DNAH2: variants seen among roughly 807,000 people sequenced by gnomAD.
DNAH2 encodes axonemal beta dynein heavy chain 2.
A neutral mutation model predicts 523.5 loss-of-function variants in DNAH2; 323 were observed. The observed-to-expected ratio is 0.62, with a 90% CI of 0.56 to 0.68. The LOEUF (loss-of-function observed/expected upper bound fraction) is 0.68, where lower values mean the gene tolerates loss of function less well. DNAH2 is among the 30% of genes least tolerant of loss of function. The pLI, the probability that DNAH2 is intolerant of heterozygous loss-of-function variation, is 0.00. For missense variants in DNAH2, 4,907 were observed against 5,701.5 expected, an observed-to-expected ratio of 0.86 and a Z score of 4.49; for synonymous variants, 2,093 against 2,177.4, an observed-to-expected ratio of 0.96 and a Z score of 1.08.
At position 7,798,196 on chromosome 17, in the gene DNAH2, A is replaced by G; in HGVS notation, c.8270A>G (p.Asn2757Ser). ...IVRVIGQPRGNMLLVGIGGSG... is the reference protein window; with the variant it reads ...IVRVIGQPRGSMLLVGIGGSG... The stretch of plus-strand genomic sequence containing the variant: ...CGGGTCATTGGACAGCCTCGGGGCA[A>G]CATGCTCCTGGTGGGTATCGGGGGC... The change falls in exon 54 of 86, where the codon AAC (asparagine) becomes AGC (serine). Residue 2757 changes from asparagine (N) to serine (S), a missense_variant. By Grantham distance (46) the Asn-to-Ser change is conservative. Coordinates refer to ENST00000572933, the MANE Select transcript of DNAH2 (RefSeq NM_020877.5). The surrounding 1 kb of genome is among the most constrained non-coding windows in gnomAD (Gnocchi z 5.5). 6.2e-7 allele frequency: 1 copy of G among 1,611,158 alleles called. No individual in the cohort carries two copies.
chr17:7,827,797 T>C (rs1234540183), intron 77 of DNAH2, among the ~76,000 whole-genome samples: 1 of 152,028 alleles, frequency 6.6e-6, no homozygotes. Flanking sequence ...ACTTCTCAAA[T>C]ACTGCGAAAG....
At chr17:7,785,049 C>A (rs2065040745) in intron 39 of DNAH2, among the ~76,000 whole-genome samples, 1 of 150,260 alleles carries the variant, frequency 6.7e-6, no homozygotes, top group African/African-American at 2.4e-5. Context: ...GGAAATTTGG[C>A]AATACAATTC....
intron 44 of DNAH2, among the ~76,000 whole-genome samples, chr17:7,790,734 C>T (rs1046961092): frequency 6.7e-6 from 1 of 149,342 alleles, no homozygotes; most frequent in East Asian, 2.0e-4. Context: ...TTTTAAGAGA[C>T]AGGGTCTTGC....
chr17:7,726,205 C>T (rs1461783003), intron 3 of DNAH2, among the ~76,000 whole-genome samples: 5 of 152,082 alleles, frequency 3.3e-5, no homozygotes, highest in Non-Finnish European at 5.9e-5. Context: ...GGGGTTTCAC[C>T]ATGTTGGCCA....
Position 7,807,744 on chromosome 17 carries a change from T to C in DNAH2, c.9729+158T>C, listed in dbSNP as rs1474399343. On this transcript the variant is annotated intron_variant, in intron 63 of 85. Coordinates refer to ENST00000572933, the MANE Select transcript of DNAH2 (RefSeq NM_020877.5). The surrounding 1 kb of genome is among the most constrained non-coding windows in gnomAD (Gnocchi z 5.6). ...TTCCCACTCTGTGCCCTGTTTAGAC[T>C]GGGCTGCCTCTGGCTCAGAAAGCTA... 6.6e-6 allele frequency among the ~76,000 whole-genome samples: 1 copy of C among 152,122 alleles called. No homozygotes were observed. The highest frequency in any genetic ancestry group is 1.5e-5 in the Non-Finnish European group (1 of 68,022).
In DNAH2 at chr17:7,770,303, T is replaced by C; in HGVS notation, c.3993T>C (p.Ser1331=). The part of the protein sequence containing the change: ...DEIQREFDQE[S]ESFTLEQIVE... ...TCCAGCGGGAGTTTGATCAGGAATCTGAAAGCTTCACCTTGGAGCAGATTG... is the reference window on the plus strand; with the variant it reads ...TCCAGCGGGAGTTTGATCAGGAATCCGAAAGCTTCACCTTGGAGCAGATTG... Residue 1331 remains serine (S), a synonymous_variant, in exon 25 of 86, where the codon TCT becomes TCC. Coordinates refer to ENST00000572933, the MANE Select transcript of DNAH2 (RefSeq NM_020877.5). 1 of 1,613,874 alleles carries C rather than the reference T, an allele frequency of 6.2e-7. No homozygotes were observed. The highest frequency in any genetic ancestry group is 8.5e-7 in the Non-Finnish European group (1 of 1,179,900).
rs1383974461 is a variant in DNAH2, at chr17:7,781,046, T to A, written c.6008T>A (p.Leu2003Gln). The A allele has an allele frequency of 6.2e-7, 1 of 1,614,140 alleles. No individual in the cohort carries two copies. Among genetic ancestry groups the A allele is most frequent in the African/African-American group, 1.3e-5 (1 of 75,076 alleles). The part of the protein sequence containing the change: ...LQPDLTDEEV[L>Q]LLSMRDMNIA... The stretch of plus-strand genomic sequence containing the variant: ...TCTCTGTCTTTTCCCATTCAGGTTC[T>A]GCTGCTCTCAATGAGAGATATGAAC... Residue 2003 changes from leucine to glutamine, a missense_variant, in exon 39 of 86, where the codon CTG becomes CAG. Leu to Gln is a moderately radical substitution (Grantham distance 113). Coordinates refer to ENST00000572933, the MANE Select transcript of DNAH2 (RefSeq NM_020877.5).
chr17:7,772,193 T>C (rs1426262454), intron 28 of DNAH2, among the ~76,000 whole-genome samples: 1 of 152,134 alleles, frequency 6.6e-6, no homozygotes, highest in African/African-American at 2.4e-5. Context: ...AGAATGGGCA[T>C]CCTGTGCAGA....
In DNAH2 at chr17:7,792,076, C is replaced by A. The variant is rs776112820; in HGVS notation, c.7053+7C>A. The A allele has an allele frequency of 6.2e-7, 1 of 1,612,726 alleles. No homozygotes were observed. Among genetic ancestry groups the A allele is most frequent in the Admixed American group, 1.7e-5 (1 of 59,840 alleles). On this transcript the variant is annotated splice_region_variant and intron_variant, in intron 45 of 85. Coordinates refer to ENST00000572933, the MANE Select transcript of DNAH2 (RefSeq NM_020877.5). ...GGGCTCCTTTCCCAATAAGGTTGGG[C>A]GCACACCTGGCTGTCCTATTTGCCC... is the stretch of plus-strand genomic sequence containing the variant.
rs780921131 is a variant in DNAH2 at position 7,774,850 on chromosome 17, C to T, written c.4593C>T (p.Phe1531=). 9.3e-6 allele frequency: 15 copies of T among 1,614,076 alleles called. No individual in the cohort carries two copies. The highest frequency in any genetic ancestry group is 2.2e-5 in the East Asian group (1 of 44,900). ...ATTTAGAGACCAAGCGACATATTTT[C>T]CCCCGCTTCTACTTCTTGTCCAATG... ...DMYLETKRHI[F]PRFYFLSNDD... Residue 1531 remains phenylalanine, a synonymous_variant, in exon 29 of 86, where the codon TTC becomes TTT. Transcript: ENST00000572933.
chr17:7,827,169 A>C (rs1251194168), intron 77 of DNAH2, among the ~76,000 whole-genome samples: 1 of 151,684 alleles, frequency 6.6e-6, no homozygotes, highest in Non-Finnish European at 1.5e-5. Flanking sequence ...ATCCTTTGTC[A>C]GTTATGTGTT....
chr17:7,823,363 G>GAA (rs1164523701), intron 73 of DNAH2, 79 bp from the exon 74 acceptor site: 6 of 1,433,496 alleles, frequency 4.2e-6, no homozygotes, highest in Middle Eastern at 1.8e-4. Context: ...GAGAGAGAGA[G>GAA]AGAGAGAGGA....
At chr17:7,783,579 T>C (rs1202420433) in intron 39 of DNAH2, among the ~76,000 whole-genome samples, 2 of 151,372 alleles carry the variant, frequency 1.3e-5, no homozygotes, top group East Asian at 3.9e-4. Flanking sequence ...TCCTAGCACT[T>C]TGGGAGGCAT....
rs758065638 is a variant in DNAH2, at chr17:7,818,401, C to A, written c.10477C>A (p.His3493Asn). ...FYITTKLSNP[H>N]YSPETSAKTT... ...CATCACCACCAAGCTCTCCAACCCC[C>A]ACTACAGCCCAGAGACCTCAGCCAA... The change falls in exon 69 of 86, where the codon CAC (histidine) becomes AAC (asparagine). Residue 3493 changes from histidine to asparagine, a missense_variant. By Grantham distance (68) the His-to-Asn change is moderately conservative. Around this residue, in one of 3 missense-constraint regions of DNAH2, gnomAD observed 1,851 missense variants for 2,139.4 expected, o/e 0.87. Transcript: ENST00000572933. The A allele has an allele frequency of 2.0e-5, 33 of 1,614,106 alleles. No homozygotes were observed. The highest frequency in any genetic ancestry group is 5.0e-5 in the Admixed American group (3 of 60,004).
At position 7,831,601 on chromosome 17, in the gene DNAH2, T is replaced by C; in HGVS notation, c.12611+60T>C. ...GGTGTGAGGAGAAGCCTTTGCCTTC[T>C]GGCTAGAATGACGTTCCCAGGCCCA... On this transcript the variant is annotated intron_variant, in intron 81 of 85. Coordinates refer to ENST00000572933, the MANE Select transcript of DNAH2 (RefSeq NM_020877.5). This position sits in a 1 kb window ranked among gnomAD's most constrained non-coding sequence, Gnocchi z 4.2. 6.2e-7 allele frequency: 1 copy of C among 1,613,310 alleles called. No individual in the cohort carries two copies. The highest frequency in any genetic ancestry group is 8.5e-7 in the Non-Finnish European group (1 of 1,179,336).
intron 44 of DNAH2, among the ~76,000 whole-genome samples, chr17:7,790,513 C>T (rs2076868000): frequency 1.3e-5 from 2 of 152,120 alleles, no homozygotes; most frequent in African/African-American, 4.8e-5. Context: ...TGAGCCACCA[C>T]ACCAGGCCAC....
At position 7,729,393 on chromosome 17, in the gene DNAH2, A is replaced by C. The variant is rs537764283; in HGVS notation, c.399+2101A>C. 2.0e-5 allele frequency among the ~76,000 whole-genome samples: 3 copies of C among 152,016 alleles called. No individual in the cohort carries two copies. The South Asian group carries it at 6.2e-4, about 32-fold the overall frequency. On this transcript the variant is annotated intron_variant, in intron 4 of 85. Transcript: ENST00000572933. ...AGACCGCCATCTCCAAAAAGAAAAA[A>C]AAAAAAAGAGAGAGAGAGAGAGGAG...
chr17:7,754,363 T>TG lies in DNAH2; in HGVS notation c.1905-2727dup, dbSNP rs1471421777. 1.4e-5 allele frequency: 7 copies of TG among 505,518 alleles called. No individual in the cohort carries two copies. The highest frequency in any genetic ancestry group is 2.4e-5 in the Non-Finnish European group (7 of 286,426). 31.3% of individuals were successfully genotyped at this position (505,518 alleles called of 1,614,324 possible). On this transcript the variant is annotated intron_variant, in intron 12 of 85. Coordinates refer to ENST00000572933, the MANE Select transcript of DNAH2 (RefSeq NM_020877.5). This position sits in a 1 kb window ranked among gnomAD's most constrained non-coding sequence, Gnocchi z 4.6. ...GGCAGCCCAGGCTTCCGGTTCTAGG[T>TG]GCTTCAGGAGCCGTGGCTTAAGGTG...
chr17:7,819,308 A>C lies in DNAH2; in HGVS notation c.10915A>C (p.Ile3639Leu). 2 of 1,614,252 alleles carry C rather than the reference A, an allele frequency of 1.2e-6. No homozygotes were observed. The highest frequency in any genetic ancestry group is 1.7e-6 in the Non-Finnish European group (2 of 1,180,050). Residue 3639 changes from isoleucine to leucine, a missense_variant, in exon 72 of 86, where the codon ATC becomes CTC. By Grantham distance (5) the Ile-to-Leu change is conservative (BLOSUM62 2). This residue lies in a region of DNAH2 where 1,851 missense variants were observed against 2,139.4 expected (regional missense o/e 0.87). Transcript: ENST00000572933. ...GTACCAGTTCTCACTGGATGCCTACATCAGCCTCTTTATTCTCAGCATTGA... is the reference window on the plus strand; with the variant it reads ...GTACCAGTTCTCACTGGATGCCTACCTCAGCCTCTTTATTCTCAGCATTGA... ...PMYQFSLDAY[I>L]SLFILSIDKS...
Sources: gnomAD v4.1 joint callset for allele counts (sites outside exome capture counted in the v4.1 genomes callset) on GRCh38, gnomAD v4.1.1 for gene constraint, gnomAD v4.1.1 regional missense constraint, Gnocchi (gnomAD v3.1) non-coding constraint, MANE v1.5 for transcripts, NCBI Gene and HGNC (gene_info 2026-07-23, HGNC 2026-07-21) for gene names.